Variants in DDX60 observed in about 807,000 individuals in gnomAD.
DDX60 encodes probable ATP-dependent RNA helicase DDX60.
In DDX60, 165 loss-of-function variants were observed where a neutral mutation model predicts 212.8. The ratio of observed to expected loss-of-function variants is 0.78; its 90% CI spans 0.68 to 0.88. DDX60 has a LOEUF of 0.88. Ranked by LOEUF, DDX60 falls within the 40% of genes least tolerant of loss-of-function variation. The pLI is 0.00. For missense variants in DDX60, 1,905 were observed against 2,003.9 expected, an observed-to-expected ratio of 0.95 and a Z score of 0.94; for synonymous variants, 703 against 685.3, an observed-to-expected ratio of 1.03 and a Z score of -0.40.
intron 1 of DDX60, among the ~76,000 whole-genome samples, chr4:168,318,286 G>T (rs1266326466): frequency 2.6e-5 from 4 of 152,236 alleles, no homozygotes; most frequent in African/African-American, 9.6e-5. Context: ...GCTGTGCTTA[G>T]ATATGATGTC....
chr4:168,255,947 C>A, intron 25 of DDX60, 78 bp from the exon 26 acceptor site: 1 of 1,408,058 alleles, frequency 7.1e-7, no homozygotes, highest in Non-Finnish European at 9.4e-7. Flanking sequence ...CTACTACTAT[C>A]ATCCCGACAT....
intron 37 of DDX60, 152 bp from the exon 38 acceptor site, chr4:168,217,184 T>C (rs531986641): frequency 1.8e-6 from 1 of 555,766 alleles, no homozygotes; most frequent in South Asian, 2.4e-5. Context: ...AACATATTTC[T>C]CCTAAAAAAT....
chr4:168,302,307 G>A lies in DDX60; in HGVS notation c.716C>T (p.Thr239Met), dbSNP rs758067104. 19 of 1,494,194 alleles carry A rather than the reference G, an allele frequency of 1.3e-5. No homozygotes were observed. The highest frequency in any genetic ancestry group is 5.1e-5 in the South Asian group (4 of 79,200). 92.6% of individuals were successfully genotyped at this position (1,494,194 alleles called of 1,614,324 possible). A position where few individuals can be genotyped will look rare whatever the true frequency, so the allele number is the denominator to read the frequency against. The change falls in exon 6 of 38, where the codon ACG (threonine) becomes ATG (methionine). Residue 239 changes from threonine to methionine, a missense_variant. Transcript: ENST00000393743. ...TTTAAAATGTTTTGTTACCTCTTCC[G>A]TAATATTATTCCATTTTAAACTTCC... Reference protein sequence around the residue: ...LFGSLKWNNITEEAHKTVSLL... With the variant: ...LFGSLKWNNIMEEAHKTVSLL...
chr4:168,251,130 G>C, intron 27 of DDX60, 24 bp from the exon 28 acceptor site: 1 of 1,578,246 alleles, frequency 6.3e-7, no homozygotes. Flanking sequence ...GACATTTAGG[G>C]ATTATGATTT....
At chr4:168,265,403 A>G (rs1358969012) in intron 22 of DDX60, 1 of 152,166 alleles carries the variant, frequency 6.6e-6, no homozygotes, top group African/African-American at 2.4e-5. Context: ...CTGCTTCTTT[A>G]GGATATGTCC....
intron 33 of DDX60, among the ~76,000 whole-genome samples, chr4:168,225,923 A>G (rs188672514): frequency 4.7e-4 from 71 of 152,196 alleles, no homozygotes; most frequent in African/African-American, 1.6e-3. Context: ...TGACATACTG[A>G]ATCAAAACCA....
intron 29 of DDX60, 111 bp downstream of exon 29, chr4:168,248,077 G>T: frequency 3.2e-6 from 2 of 633,902 alleles, no homozygotes; most frequent in Non-Finnish European, 5.1e-6. Context: ...TGAATGTCCA[G>T]TTATGCTACT....
chr4:168,297,751 C>T (rs377303220), intron 6 of DDX60, among the ~76,000 whole-genome samples: 1 of 102,588 alleles, frequency 9.7e-6, no homozygotes, highest in Admixed American at 9.3e-5. Context: ...TAAAAATTAG[C>T]CAGGTGTGGT....
chr4:168,231,042 G>GA (rs575412789), intron 33 of DDX60, among the ~76,000 whole-genome samples: 451 of 149,134 alleles, frequency 3.0e-3, no homozygotes, highest in Non-Finnish European at 5.4e-3. Flanking sequence ...ACAGAAGTAC[G>GA]AAAAAAAAAA....
chr4:168,311,088 A>G, intron 2 of DDX60, 21 bp from the exon 3 acceptor site: 1 of 1,497,304 alleles, frequency 6.7e-7, no homozygotes, highest in Non-Finnish European at 9.2e-7. Context: ...AAAAAAAGAG[A>G]GAAAGAGAAT....
At chr4:168,324,172 G>A in the DDX60 span, among the ~76,000 whole-genome samples, 533 of 152,302 alleles carry the variant, frequency 3.5e-3, 2 homozygotes, top group African/African-American at 0.012. Flanking sequence ...GAGCCAGGCC[G>A]TGGAGTGTTG....
At chr4:168,306,883 T>A (rs1290041942) in intron 4 of DDX60, among the ~76,000 whole-genome samples, 163 bp from the exon 5 acceptor site, 1 of 152,226 alleles carries the variant, frequency 6.6e-6, no homozygotes, top group Admixed American at 6.5e-5. Context: ...CTTACAGATA[T>A]TTGCTGAAAA....
intron 2 of DDX60, 50 bp from the exon 3 acceptor site, chr4:168,311,117 T>G: frequency 7.0e-7 from 1 of 1,422,280 alleles, no homozygotes. Flanking sequence ...TTTCAATTGG[T>G]CCTTTTTACA....
intron 23 of DDX60, 139 bp from the exon 24 acceptor site, chr4:168,262,267 T>C: frequency 1.1e-6 from 1 of 870,606 alleles, no homozygotes; most frequent in South Asian, 2.0e-5. Context: ...ACATGGCTTC[T>C]AATGCATAAC....
At chr4:168,314,638 C>A (rs1325346580) in intron 1 of DDX60, among the ~76,000 whole-genome samples, 1 of 151,922 alleles carries the variant, frequency 6.6e-6, no homozygotes, top group African/African-American at 2.4e-5. Context: ...GGGTTAAAGT[C>A]CAGGAAATTT....
At chr4:168,225,704 T>G (rs1733230384) in intron 33 of DDX60, 28 bp from the exon 34 acceptor site, 2 of 1,599,424 alleles carry the variant, frequency 1.3e-6, no homozygotes, top group Admixed American at 3.5e-5. Context: ...TTCATAGAGA[T>G]AGATCTATTT....
chr4:168,246,348 A>C, intron 30 of DDX60, 70 bp downstream of exon 30: 1 of 1,581,866 alleles, frequency 6.3e-7, no homozygotes, highest in Non-Finnish European at 8.6e-7. Context: ...GACTTCTAAA[A>C]GAACAGCAGA....
chr4:168,324,085 C>T, the DDX60 span, among the ~76,000 whole-genome samples: 1 of 152,220 alleles, frequency 6.6e-6, no homozygotes, highest in Admixed American at 6.5e-5. Context: ...ACAGGGGAGA[C>T]CACCTCTTTC....
At chr4:168,257,180 C>T (rs1319120040) in intron 25 of DDX60, among the ~76,000 whole-genome samples, 1 of 152,174 alleles carries the variant, frequency 6.6e-6, no homozygotes, top group Non-Finnish European at 1.5e-5. Context: ...GGCGTGGTGG[C>T]ACATGCCTGT....
Sources: gnomAD v4.1 joint callset for allele counts (sites outside exome capture counted in the v4.1 genomes callset) on GRCh38, gnomAD v4.1.1 for gene constraint, MANE v1.5 for transcripts, NCBI Gene and HGNC (gene_info 2026-07-23, HGNC 2026-07-21) for gene names.